Variants in SCFD2 observed in about 807,000 individuals in gnomAD.
The protein encoded by SCFD2 is sec1 family domain-containing protein 2.
In SCFD2, 54 loss-of-function variants were observed where a neutral mutation model predicts 58.9. That is an observed-to-expected ratio of 0.92 (90% CI 0.74 to 1.15). The LOEUF is 1.15. SCFD2 is among the 50% of genes most tolerant of loss of function. SCFD2 has a pLI of 0.00. For missense variants in SCFD2, 805 were observed against 836.6 expected (o/e 0.96, Z 0.47); for synonymous variants, 321 against 335.9 (o/e 0.96, Z 0.49).
intron 2 of SCFD2, among the ~76,000 whole-genome samples, chr4:53,338,858 G>A (rs1205917509): frequency 6.6e-6 from 1 of 151,942 alleles, no homozygotes; most frequent in East Asian, 1.9e-4. Context: ...GGGATTACAG[G>A]CGTGAGCCAC....
intron 4 of SCFD2, among the ~76,000 whole-genome samples, chr4:53,267,663 C>T (rs2149061811): frequency 6.6e-6 from 1 of 152,258 alleles, no homozygotes; most frequent in East Asian, 1.9e-4. Flanking sequence ...CCACTGCAGC[C>T]TCAAACTCCT....
chr4:53,006,081 G>A (rs973221398), intron 5 of SCFD2, among the ~76,000 whole-genome samples: 4 of 152,086 alleles, frequency 2.6e-5, no homozygotes, highest in Non-Finnish European at 5.9e-5. Flanking sequence ...GAACCATCAG[G>A]ACCATCAAAA....
chr4:53,004,001 C>T (rs1333229364), intron 5 of SCFD2, among the ~76,000 whole-genome samples: 2 of 152,184 alleles, frequency 1.3e-5, no homozygotes, highest in Admixed American at 6.5e-5. Context: ...CAATAAATGT[C>T]TGAAATAGTC....
At chr4:53,098,059 A>G (rs1724712366) in intron 5 of SCFD2, among the ~76,000 whole-genome samples, 1 of 152,178 alleles carries the variant, frequency 6.6e-6, no homozygotes, top group South Asian at 2.1e-4. Flanking sequence ...CATCCCAGGG[A>G]TGAAGCCCAC....
At chr4:53,103,052 T>C (rs1433462131) in intron 5 of SCFD2, among the ~76,000 whole-genome samples, 1 of 152,152 alleles carries the variant, frequency 6.6e-6, no homozygotes, top group Non-Finnish European at 1.5e-5. Context: ...TTTACAACCA[T>C]CACTGTAAGA....
chr4:53,142,167 C>T (rs567090640), intron 5 of SCFD2, among the ~76,000 whole-genome samples: 1 of 152,250 alleles, frequency 6.6e-6, no homozygotes, highest in Admixed American at 6.5e-5. Flanking sequence ...GAAAATGGTT[C>T]CACCAAACAT....
intron 5 of SCFD2, among the ~76,000 whole-genome samples, chr4:52,926,872 C>T (rs900185735): frequency 2.0e-5 from 3 of 152,204 alleles, no homozygotes; most frequent in Non-Finnish European, 2.9e-5. Context: ...AGTCTGACAA[C>T]GCCTTTTCTC....
At chr4:53,012,745 A>T (rs1309664965) in intron 5 of SCFD2, among the ~76,000 whole-genome samples, 1 of 151,684 alleles carries the variant, frequency 6.6e-6, no homozygotes, top group Non-Finnish European at 1.5e-5. Flanking sequence ...GCATTTATGG[A>T]GTTAATTGAC....
chr4:53,359,105 A>G (rs1734480700), intron 1 of SCFD2, among the ~76,000 whole-genome samples: 1 of 152,224 alleles, frequency 6.6e-6, no homozygotes, highest in African/African-American at 2.4e-5. Flanking sequence ...CATTTAGACA[A>G]AGAAATACTA....
At chr4:53,203,546 T>A (rs1009171477) in intron 4 of SCFD2, among the ~76,000 whole-genome samples, 1 of 152,082 alleles carries the variant, frequency 6.6e-6, no homozygotes, top group Non-Finnish European at 1.5e-5. Flanking sequence ...TGTTTTTTTA[T>A]ACATTAATAA....
intron 5 of SCFD2, among the ~76,000 whole-genome samples, chr4:52,945,184 G>T (rs1262234050): frequency 6.6e-6 from 1 of 152,110 alleles, no homozygotes; most frequent in Admixed American, 6.6e-5. Context: ...GATGAAAGGG[G>T]TTACATATGG....
intron 5 of SCFD2, among the ~76,000 whole-genome samples, chr4:53,112,479 G>C (rs1268237164): frequency 6.6e-6 from 1 of 152,022 alleles, no homozygotes; most frequent in Non-Finnish European, 1.5e-5. Flanking sequence ...CATGACATCT[G>C]CCATCAAAGG....
chr4:53,214,664 C>A (rs1213460655), intron 4 of SCFD2, among the ~76,000 whole-genome samples: 3 of 152,058 alleles, frequency 2.0e-5, no homozygotes, highest in Non-Finnish European at 4.4e-5. Context: ...TAATTAGATC[C>A]CATTTGTCAA....
chr4:53,089,248 G>T (rs139817561), intron 5 of SCFD2, among the ~76,000 whole-genome samples: 2,210 of 152,122 alleles, frequency 0.015, 20 homozygotes, highest in Middle Eastern at 0.034. Context: ...CTTTTTATTG[G>T]TCAGTTTTAA....
At chr4:53,183,282 G>GA (rs1302671351) in intron 4 of SCFD2, among the ~76,000 whole-genome samples, 5 of 152,180 alleles carry the variant, frequency 3.3e-5, no homozygotes, top group Non-Finnish European at 7.3e-5. Context: ...ACCGGATTAT[G>GA]AAAATGTGGC....
chr4:53,230,305 A>G (rs1461636503), intron 4 of SCFD2, among the ~76,000 whole-genome samples: 1 of 152,216 alleles, frequency 6.6e-6, no homozygotes, highest in Non-Finnish European at 1.5e-5. Flanking sequence ...TCATGCTGCT[A>G]CAAAGACACA....
At chr4:53,252,907 G>T (rs1292807985) in intron 4 of SCFD2, among the ~76,000 whole-genome samples, 1 of 152,100 alleles carries the variant, frequency 6.6e-6, no homozygotes, top group African/African-American at 2.4e-5. Flanking sequence ...TTAAACTAAA[G>T]CGCTTCTGCA....
intron 3 of SCFD2, among the ~76,000 whole-genome samples, chr4:53,300,977 A>C (rs1577947973): frequency 1.3e-5 from 2 of 152,212 alleles, no homozygotes; most frequent in Non-Finnish European, 2.9e-5. Flanking sequence ...TATAGCACTA[A>C]ATGCCCACAA....
At chr4:53,216,553 C>T (rs942346070) in intron 4 of SCFD2, among the ~76,000 whole-genome samples, 2 of 151,852 alleles carry the variant, frequency 1.3e-5, no homozygotes, top group African/African-American at 4.8e-5. Flanking sequence ...CTTTATTAGT[C>T]TTGCTAGCTG....
Sources: gnomAD v4.1 joint callset for allele counts (sites outside exome capture counted in the v4.1 genomes callset) on GRCh38, gnomAD v4.1.1 for gene constraint, MANE v1.5 for transcripts, NCBI Gene and HGNC (gene_info 2026-07-23, HGNC 2026-07-21) for gene names.